The following CFAP299 variants were observed in gnomAD, a reference collection of about 807,000 sequenced individuals.
The protein encoded by CFAP299 is cilia- and flagella-associated protein 299.
Under a neutral mutation model 27.0 loss-of-function variants are expected in CFAP299, and 21 were observed. The ratio of observed to expected loss-of-function variants is 0.78; its 90% confidence interval spans 0.55 to 1.12. CFAP299 has a LOEUF of 1.12. Ranked by LOEUF, CFAP299 falls within the 50% of genes most tolerant of loss-of-function variation. CFAP299 has a pLI of 0.00. For missense variants in CFAP299, 310 were observed against 276.6 expected (o/e 1.12, Z -0.86); for synonymous variants, 104 against 98.1 (o/e 1.06, Z -0.36).
Position 80,473,177 on chromosome 4 carries a change from A to G in CFAP299, c.243-109916A>G, listed in dbSNP as rs1323157138. On this transcript the variant is annotated intron_variant, in intron 2 of 5. Transcript: ENST00000358105. ...AACTCAGAGGAGGCACCCCTAACTC[A>G]GGTGTTGTGGGGCCAGGAAAGCCTG... 2.4e-4 allele frequency among the ~76,000 whole-genome samples: 37 copies of G among 152,080 alleles called. 1 individual carries two copies. The highest frequency in any genetic ancestry group is 2.9e-5 in the Non-Finnish European group (2 of 68,006).
rs140171474 is a variant in CFAP299, at chr4:80,477,524, C to T, written c.243-105569C>T. ...CCTTTCCTTCATTGAGCTTGTTCAC[C>T]GCCATGCACATCCATCTTATCCCAC... On this transcript the variant is annotated intron_variant, in intron 2 of 5. Transcript: ENST00000358105. Among the ~76,000 whole-genome samples the T allele has an allele frequency of 5.3e-5, 8 of 152,224 alleles. No homozygotes were observed. In the East Asian group the frequency reaches 1.2e-3, roughly 22 times the overall value.
intron 3 of CFAP299, among the ~76,000 whole-genome samples, chr4:80,591,759 G>A (rs1357141537): frequency 3.9e-5 from 6 of 152,142 alleles, no homozygotes; most frequent in Non-Finnish European, 5.9e-5. Flanking sequence ...CCCTTTGTTT[G>A]GAAGGGCCTT....
intron 4 of CFAP299, among the ~76,000 whole-genome samples, chr4:80,918,665 A>T (rs902237450): frequency 6.6e-6 from 1 of 152,158 alleles, no homozygotes; most frequent in Non-Finnish European, 1.5e-5. Context: ...ATAAATTCTA[A>T]TATTTGTTGC....
At chr4:80,443,932 G>T (rs1728488956) in intron 2 of CFAP299, among the ~76,000 whole-genome samples, 2 of 152,092 alleles carry the variant, frequency 1.3e-5, no homozygotes, top group Non-Finnish European at 2.9e-5. Flanking sequence ...ATTCATAATT[G>T]CTACAAAGAG....
chr4:80,562,562 C>G (rs6825917), intron 2 of CFAP299, among the ~76,000 whole-genome samples: 140,563 of 151,294 alleles, frequency 0.93, 65,365 homozygotes, highest in East Asian at 1. Context: ...GGAGGCTGAG[C>G]CATGAGAATC....
chr4:80,464,973 T>C (rs2110109984), intron 2 of CFAP299, among the ~76,000 whole-genome samples: 1 of 152,292 alleles, frequency 6.6e-6, no homozygotes, highest in East Asian at 1.9e-4. Context: ...TAAATTATTT[T>C]ATAATTCCAG....
chr4:80,829,084 C>T (rs1260833673), intron 3 of CFAP299, among the ~76,000 whole-genome samples: 1 of 151,656 alleles, frequency 6.6e-6, no homozygotes, highest in Admixed American at 6.6e-5. Flanking sequence ...ACAAATTGGG[C>T]CACGAACATT....
At chr4:80,956,837 G>A (rs1426503841) in intron 5 of CFAP299, among the ~76,000 whole-genome samples, 1 of 152,040 alleles carries the variant, frequency 6.6e-6, no homozygotes, top group African/African-American at 2.4e-5. Context: ...AGTATTCTAT[G>A]TGTAGAGGGT....
intron 3 of CFAP299, among the ~76,000 whole-genome samples, chr4:80,721,824 A>T (rs1445335437): frequency 2.6e-5 from 4 of 152,196 alleles, no homozygotes; most frequent in African/African-American, 9.6e-5. Context: ...CCAAAAAGAA[A>T]AAAACTGTCA....
chr4:80,946,535 A>G (rs1737486790), intron 5 of CFAP299, among the ~76,000 whole-genome samples: 1 of 152,196 alleles, frequency 6.6e-6, no homozygotes, highest in South Asian at 2.1e-4. Context: ...TGGGAAATAT[A>G]ATCTTTATTC....
intron 3 of CFAP299, among the ~76,000 whole-genome samples, chr4:80,821,198 C>T (rs924051480): frequency 5.3e-5 from 8 of 152,024 alleles, no homozygotes; most frequent in South Asian, 2.1e-4. Context: ...ATGAGTAATC[C>T]GACTAAATAA....
At chr4:80,405,788 A>T (rs1299966267) in intron 2 of CFAP299, among the ~76,000 whole-genome samples, 1 of 152,172 alleles carries the variant, frequency 6.6e-6, no homozygotes, top group African/African-American at 2.4e-5. Flanking sequence ...ACTGGGACTG[A>T]TTCTAAAATT....
chr4:80,696,270 G>A (rs1721082991), intron 3 of CFAP299, among the ~76,000 whole-genome samples: 1 of 144,062 alleles, frequency 6.9e-6, no homozygotes, highest in African/African-American at 2.6e-5. Context: ...CTGCACTCCA[G>A]CCTGGACAAC....
chr4:80,717,035 T>C (rs1445619301), intron 3 of CFAP299, among the ~76,000 whole-genome samples: 1 of 152,188 alleles, frequency 6.6e-6, no homozygotes, highest in Non-Finnish European at 1.5e-5. Flanking sequence ...ATTTATTTAA[T>C]ATTTATTGAG....
At chr4:80,501,832 C>CTT (rs147696540) in intron 2 of CFAP299, among the ~76,000 whole-genome samples, 1 of 151,446 alleles carries the variant, frequency 6.6e-6, no homozygotes, top group Non-Finnish European at 1.5e-5. Context: ...TGAAAAGTCT[C>CTT]TTTTCTTTTA....
intron 1 of CFAP299, among the ~76,000 whole-genome samples, chr4:80,348,402 A>C (rs1243782258): frequency 6.6e-6 from 1 of 152,220 alleles, no homozygotes; most frequent in African/African-American, 2.4e-5. Flanking sequence ...ACAAAGGTCT[A>C]ATATCCAGAA....
chr4:80,353,429 G>A (rs146364158), intron 1 of CFAP299, among the ~76,000 whole-genome samples: 1 of 152,198 alleles, frequency 6.6e-6, no homozygotes, highest in Non-Finnish European at 1.5e-5. Context: ...ACATCCCAAA[G>A]TCTGTTGTGG....
intron 2 of CFAP299, among the ~76,000 whole-genome samples, chr4:80,527,513 C>T (rs1294206159): frequency 6.6e-6 from 1 of 152,036 alleles, no homozygotes; most frequent in Non-Finnish European, 1.5e-5. Flanking sequence ...TAATAACTTT[C>T]TGTTGTTTAG....
chr4:80,936,794 T>TA lies in CFAP299; in HGVS notation c.477-8009dup, dbSNP rs930770644. Among the ~76,000 whole-genome samples, 9 of 151,482 alleles carry TA rather than the reference T, an allele frequency of 5.9e-5. No individual in the cohort carries two copies. In the East Asian group the frequency reaches 1.4e-3, roughly 23 times the overall value. ...TGTACTCCTGTACCTAAAATAAAAA[T>TA]AAAAAAATAAAAAATAAAACATGAT... On this transcript the variant is annotated intron_variant, in intron 4 of 5. Coordinates refer to ENST00000358105, the MANE Select transcript of CFAP299 (RefSeq NM_152770.3).
Sources: gnomAD v4.1 joint callset for allele counts (sites outside exome capture counted in the v4.1 genomes callset) on GRCh38, gnomAD v4.1.1 for gene constraint, MANE v1.5 for transcripts, NCBI Gene and HGNC (gene_info 2026-07-23, HGNC 2026-07-21) for gene names.